The following PRIM2 variants were observed in gnomAD, a reference collection of about 807,000 sequenced individuals.
PRIM2 encodes the protein DNA primase large subunit.
Under a neutral mutation model 67.3 loss-of-function variants are expected in PRIM2, and 39 were observed. That is an observed-to-expected ratio of 0.58 (90% CI 0.45 to 0.76). The LOEUF is 0.76. PRIM2 is among the 30% of genes least tolerant of loss of function. The pLI is 0.00. For synonymous variants in PRIM2, 143 were observed against 198.7 expected, an observed-to-expected ratio of 0.72 and a Z score of 2.36; for missense variants, 398 against 598.7, an observed-to-expected ratio of 0.66 and a Z score of 3.50.
intron 7 of PRIM2, among the ~76,000 whole-genome samples, chr6:57,408,867 C>T (rs551493461): frequency 2.0e-5 from 3 of 152,148 alleles, no homozygotes; most frequent in African/African-American, 7.2e-5. Context: ...CATACCAGTA[C>T]ACCTGGCTAA....
At chr6:57,377,402 T>C (rs1187776472) in intron 5 of PRIM2, among the ~76,000 whole-genome samples, 4 of 152,132 alleles carry the variant, frequency 2.6e-5, no homozygotes, top group African/African-American at 9.7e-5. Flanking sequence ...GTTACTGTTG[T>C]ATGCTGGAGA....
rs549948640 is a variant in PRIM2, at chr6:57,461,747, C to G, written c.694-45640C>G. 5.4e-3 allele frequency among the ~76,000 whole-genome samples: 825 copies of G among 152,160 alleles called. 6 individuals carry two copies. Among genetic ancestry groups the G allele is most frequent in the Non-Finnish European group, 6.9e-3 (467 of 68,018 alleles). ...TACTTCAAATACTTCTTCCCAGAAT[C>G]GAATTAGCTAGTTTTGGAAGAGCAT... On this transcript the variant is annotated intron_variant, in intron 7 of 13. Transcript: ENST00000615550.
At chr6:57,222,011 G>C in the PRIM2 span, 1 of 152,240 alleles carries the variant, frequency 6.6e-6, no homozygotes, top group Admixed American at 6.5e-5. Flanking sequence ...CGCAGCGCGA[G>C]CCGCTACTCA....
At chr6:57,512,344 T>A (rs1392926777) in intron 8 of PRIM2, among the ~76,000 whole-genome samples, 1 of 152,134 alleles carries the variant, frequency 6.6e-6, no homozygotes, top group African/African-American at 2.4e-5. Flanking sequence ...TATTTACAGG[T>A]TAAGGCAGAA....
At chr6:57,568,394 A>T (rs1481586729) in intron 10 of PRIM2, among the ~76,000 whole-genome samples, 36 of 152,172 alleles carry the variant, frequency 2.4e-4, no homozygotes, top group Non-Finnish European at 4.9e-4. Context: ...AATCTGAGGT[A>T]GGAAGAGCTG....
chr6:57,408,489 G>A (rs1247365888), intron 7 of PRIM2, among the ~76,000 whole-genome samples: 3 of 152,064 alleles, frequency 2.0e-5, no homozygotes, highest in African/African-American at 7.2e-5. Context: ...AGATTTGTTG[G>A]GGGAGTAAAT....
intron 12 of PRIM2, among the ~76,000 whole-genome samples, chr6:57,614,054 A>T (rs1166627928): frequency 2.6e-5 from 4 of 152,110 alleles, no homozygotes; most frequent in Non-Finnish European, 5.9e-5. Context: ...TGGGCCACGG[A>T]CTGGTACTTG....
chr6:57,283,133 A>C, the PRIM2 span, among the ~76,000 whole-genome samples: 9 of 152,174 alleles, frequency 5.9e-5, no homozygotes, highest in Non-Finnish European at 1.2e-4. Context: ...AGTTTTATAT[A>C]GATCTCAGTA....
the PRIM2 span, among the ~76,000 whole-genome samples, chr6:57,287,723 T>G: frequency 2.0e-5 from 3 of 151,610 alleles, no homozygotes; most frequent in Non-Finnish European, 4.4e-5. Flanking sequence ...CCTGTATACC[T>G]GTGTAACAAA....
chr6:57,627,279 CAAAAAAAA>C (rs1158722297), intron 12 of PRIM2, among the ~76,000 whole-genome samples: 11 of 24,536 alleles, frequency 4.5e-4, no homozygotes, highest in African/African-American at 9.2e-4. Context: ...GACTCTGTCT[CAAAAAAAA>C]AAAAAAAAAA....
intron 5 of PRIM2, among the ~76,000 whole-genome samples, chr6:57,352,034 C>T (rs1768874651): frequency 6.6e-6 from 1 of 152,038 alleles, no homozygotes; most frequent in Non-Finnish European, 1.5e-5. Context: ...GCTTGGCAGG[C>T]ATATAGTAAA....
intron 12 of PRIM2, among the ~76,000 whole-genome samples, chr6:57,631,858 C>G (rs1777041646): frequency 6.6e-6 from 1 of 152,166 alleles, no homozygotes. Context: ...CCATTTTCAT[C>G]TTGTTGTTGA....
intron 13 of PRIM2, among the ~76,000 whole-genome samples, chr6:57,643,154 A>G (rs1167992388): frequency 2.0e-5 from 3 of 152,190 alleles, no homozygotes; most frequent in Admixed American, 6.5e-5. Flanking sequence ...TTTTGTGCAC[A>G]TTGAAGTCTA....
At chr6:57,633,105 G>GTGCACTAAACA (rs1777062146) in intron 13 of PRIM2, among the ~76,000 whole-genome samples, 1 of 152,158 alleles carries the variant, frequency 6.6e-6, no homozygotes. Flanking sequence ...CAGAATTATG[G>GTGCACTAAACA]TGCACTAAAC....
intron 8 of PRIM2, among the ~76,000 whole-genome samples, chr6:57,531,088 C>A (rs1453550492): frequency 6.6e-6 from 1 of 152,128 alleles, no homozygotes; most frequent in Non-Finnish European, 1.5e-5. Context: ...GCATCTTGAG[C>A]GTATATGTGG....
chr6:57,238,383 C>G, the PRIM2 span, among the ~76,000 whole-genome samples: 1 of 152,192 alleles, frequency 6.6e-6, no homozygotes, highest in African/African-American at 2.4e-5. Context: ...ACAGTGCAAT[C>G]AAACTAGAAC....
At chr6:57,456,110 G>A (rs566506990) in intron 7 of PRIM2, among the ~76,000 whole-genome samples, 1 of 152,186 alleles carries the variant, frequency 6.6e-6, no homozygotes, top group East Asian at 1.9e-4. Context: ...GTTGAATATT[G>A]GCCCCCACTC....
At chr6:57,305,118 T>C in the PRIM2 span, among the ~76,000 whole-genome samples, 1 of 152,382 alleles carries the variant, frequency 6.6e-6, no homozygotes, top group Non-Finnish European at 1.5e-5. Context: ...TGTGAACTTT[T>C]GGATGTGATT....
the PRIM2 span, among the ~76,000 whole-genome samples, chr6:57,249,220 C>T: frequency 6.6e-6 from 1 of 152,186 alleles, no homozygotes; most frequent in Non-Finnish European, 1.5e-5. Context: ...TCCTTTCCTT[C>T]CCTGCTTCTG....
Sources: allele counts gnomAD v4.1 joint callset (sites outside exome capture counted in the v4.1 genomes callset), GRCh38; gene constraint gnomAD v4.1.1; transcripts MANE v1.5; gene names NCBI Gene and HGNC (gene_info 2026-07-23, HGNC 2026-07-21).